Variants in FAM178B observed in about 807,000 individuals in gnomAD.
FAM178B encodes family with sequence similarity 178 member B, also known as protein FAM178B.
Under a neutral mutation model 91.7 loss-of-function variants are expected in FAM178B, and 82 were observed. That is an observed-to-expected ratio of 0.89 (90% confidence interval 0.75 to 1.07). The LOEUF (loss-of-function observed/expected upper bound fraction) is 1.07. Ranked by LOEUF, FAM178B falls within the 50% of genes least tolerant of loss-of-function variation. FAM178B has a pLI of 0.00. For missense variants in FAM178B, 769 were observed against 846.7 expected (o/e 0.91, Z 1.14); for synonymous variants, 368 against 359.4 (o/e 1.02, Z -0.27).
intron 5 of FAM178B, among the ~76,000 whole-genome samples, chr2:96,962,076 C>A (rs1018269322): frequency 6.6e-6 from 1 of 152,016 alleles, no homozygotes; most frequent in South Asian, 2.1e-4. Context: ...CTGAGGTGGG[C>A]GGATCACCTG....
intron 14 of FAM178B, among the ~76,000 whole-genome samples, chr2:96,880,867 TACAGGCGTG>T (rs1395610181): frequency 6.6e-6 from 1 of 152,220 alleles, no homozygotes; most frequent in East Asian, 1.9e-4. Context: ...GTGCTGGGAT[TACAGGCGTG>T]AGCCACCGCG....
intron 7 of FAM178B, 89 bp downstream of exon 7, chr2:96,951,287 AGAG>A (rs1055829471): frequency 1.4e-5 from 12 of 874,846 alleles, no homozygotes; most frequent in Non-Finnish European, 2.1e-5. Context: ...TAAGGCAAGA[AGAG>A]GTGAAGTGCC....
chr2:96,984,039 G>T (rs922709153), intron 1 of FAM178B, among the ~76,000 whole-genome samples: 1 of 151,886 alleles, frequency 6.6e-6, no homozygotes, highest in African/African-American at 2.4e-5. Flanking sequence ...GCACAATCTC[G>T]GTTCACTGCA....
chr2:96,971,949 C>T lies in FAM178B; in HGVS notation c.516G>A (p.Lys172=). Residue 172 remains lysine, a synonymous_variant, in exon 3 of 17, where the codon AAG becomes AAA. Transcript: ENST00000490605. ...TCAGGCCTGACGTGTTCCAGAACAG[C>T]TTCTCTGGCAAGGCCAGGCCCCTCT... ...DPKRGLALPE[K]LFWNTSGLSQ... 1 of 1,546,756 alleles carries T rather than the reference C, an allele frequency of 6.5e-7. No homozygotes were observed. The highest frequency in any genetic ancestry group is 8.7e-7 in the Non-Finnish European group (1 of 1,145,562).
At chr2:96,911,725 G>A (rs2081162672) in intron 12 of FAM178B, among the ~76,000 whole-genome samples, 1 of 152,216 alleles carries the variant, frequency 6.6e-6, no homozygotes, top group Non-Finnish European at 1.5e-5. Flanking sequence ...GGCAGCGACA[G>A]GGAGGGTGAG....
chr2:96,885,597 C>CCCATTCCT (rs2080498448), intron 14 of FAM178B, among the ~76,000 whole-genome samples: 1 of 152,222 alleles, frequency 6.6e-6, no homozygotes, highest in Non-Finnish European at 1.5e-5. Flanking sequence ...AGAGCGTCTC[C>CCCATTCCT]CCATTCCTCC....
At chr2:96,895,019 C>G in intron 13 of FAM178B, 1 of 1,284,484 alleles carries the variant, frequency 7.8e-7, no homozygotes, top group Non-Finnish European at 1.0e-6. Context: ...TTTGGAACAC[C>G]ATGAAGAGAG....
intron 12 of FAM178B, among the ~76,000 whole-genome samples, chr2:96,912,755 A>T (rs1322456875): frequency 1.3e-5 from 2 of 152,118 alleles, no homozygotes; most frequent in Non-Finnish European, 2.9e-5. Context: ...CAGGCTCCGG[A>T]TGCGACCTTC....
intron 14 of FAM178B, among the ~76,000 whole-genome samples, chr2:96,879,620 G>GC (rs918119947): frequency 6.6e-6 from 1 of 152,230 alleles, no homozygotes; most frequent in African/African-American, 2.4e-5. Context: ...CACCAGCAGC[G>GC]CCCACCCTGC....
chr2:96,978,069 C>T lies in FAM178B; in HGVS notation c.74-5463G>A, dbSNP rs145516471. The T allele has an allele frequency of 1.1e-3, 428 of 377,006 alleles. 1 individual carries two copies. The highest frequency in any genetic ancestry group is 8.5e-3 in the African/African-American group (405 of 47,704). 23.4% of individuals were successfully genotyped at this position (377,006 alleles called of 1,614,324 possible). A position where few individuals can be genotyped will look rare whatever the true frequency, so the allele number is the denominator to read the frequency against. On this transcript the variant is annotated intron_variant, in intron 1 of 16. Coordinates refer to ENST00000490605, the MANE Select transcript of FAM178B (RefSeq NM_001122646.3). Reference sequence around the variant, plus strand: ...AACTATTCCTCTTCATCCTCACATGCGTCTTCTCCACACTGATGACTCAGT... The same window carrying T: ...AACTATTCCTCTTCATCCTCACATGTGTCTTCTCCACACTGATGACTCAGT...
chr2:96,946,750 G>C (rs2081835531), intron 8 of FAM178B, among the ~76,000 whole-genome samples: 2 of 152,280 alleles, frequency 1.3e-5, no homozygotes, highest in Admixed American at 1.3e-4. Flanking sequence ...TAAAGGGCAG[G>C]CATGCCGCAG....
In FAM178B at chr2:96,905,821, T is replaced by TAC. The variant is rs1288917271; in HGVS notation, c.1563-3115_1563-3114insGT. Among the ~76,000 whole-genome samples the TAC allele has an allele frequency of 9.8e-4, 16 of 16,302 alleles. 2 individuals are homozygous for TAC. The East Asian group carries it at 0.027, about 28-fold the overall frequency. The allele number at this position is 16,302 out of a possible 152,430, so 10.7% of individuals were successfully genotyped here. ...ACAAAAATATACATATATGTGTGTATATATATATATATATATATATATATA... is the reference window on the plus strand; with the variant it reads ...ACAAAAATATACATATATGTGTGTATACATATATATATATATATATATATATA... On this transcript the variant is annotated intron_variant, in intron 12 of 16. Coordinates refer to ENST00000490605, the MANE Select transcript of FAM178B (RefSeq NM_001122646.3).
intron 6 of FAM178B, among the ~76,000 whole-genome samples, chr2:96,952,131 G>C (rs2081937709): frequency 6.6e-6 from 1 of 152,218 alleles, no homozygotes; most frequent in Non-Finnish European, 1.5e-5. Context: ...GAGGCCAGGA[G>C]TGGGTGTCTT....
Position 96,902,645 on chromosome 2 carries a change from A to C in FAM178B, c.1625T>G (p.Leu542Arg). 6.4e-7 allele frequency: 1 copy of C among 1,550,856 alleles called. No individual in the cohort carries two copies. The highest frequency in any genetic ancestry group is 1.2e-5 in the South Asian group (1 of 84,050). The change falls in exon 13 of 17, where the codon CTC becomes CGC. Residue 542 changes from leucine (L) to arginine (R), a missense_variant. Leu to Arg is a moderately radical substitution (Grantham distance 102). Coordinates refer to ENST00000490605, the MANE Select transcript of FAM178B (RefSeq NM_001122646.3). ...CTGGGTCTTCTCTTGCCAGAGAGGG[A>C]GCATCTCCTGCTGGCCCAGCATTCG... is the stretch of plus-strand genomic sequence containing the variant. Reference protein sequence around the residue: ...IARMLGQQEMLPLWQEKTQLS... With the variant: ...IARMLGQQEMRPLWQEKTQLS...
At chr2:96,892,142 G>A (rs2080697852) in intron 14 of FAM178B, among the ~76,000 whole-genome samples, 2 of 152,198 alleles carry the variant, frequency 1.3e-5, no homozygotes, top group South Asian at 4.1e-4. Flanking sequence ...ATCCGGCCGG[G>A]GTGGGAGTGG....
At chr2:96,892,329 G>C (rs568076340) in intron 14 of FAM178B, among the ~76,000 whole-genome samples, 31 of 152,266 alleles carry the variant, frequency 2.0e-4, no homozygotes, top group African/African-American at 7.5e-4. Context: ...GTCTAAGGTG[G>C]TCTCGGGCTG....
intron 1 of FAM178B, 82 bp from the exon 2 acceptor site, chr2:96,972,688 G>T (rs2082238963): frequency 1.5e-6 from 2 of 1,357,050 alleles, no homozygotes; most frequent in Non-Finnish European, 1.0e-6. Flanking sequence ...CACAGAGGAG[G>T]GCCTGGGCCC....
intron 4 of FAM178B, among the ~76,000 whole-genome samples, chr2:96,968,494 G>T (rs1191222863): frequency 1.3e-5 from 2 of 152,048 alleles, no homozygotes; most frequent in African/African-American, 4.8e-5. Context: ...ACCCTGGTTG[G>T]GCCCATGGGT....
intron 12 of FAM178B, among the ~76,000 whole-genome samples, chr2:96,904,260 C>CG (rs370050355): frequency 0.012 from 1,753 of 152,230 alleles, 19 homozygotes; most frequent in Non-Finnish European, 0.018. Flanking sequence ...CTCAGTCCTA[C>CG]GGGGGGGTGT....
Sources: allele counts gnomAD v4.1 joint callset (sites outside exome capture counted in the v4.1 genomes callset), GRCh38; gene constraint gnomAD v4.1.1; transcripts MANE v1.5; gene names NCBI Gene and HGNC (gene_info 2026-07-23, HGNC 2026-07-21).